The following CNIH3 variants were observed in gnomAD, a reference collection of about 807,000 sequenced individuals.
CNIH3 encodes protein cornichon homolog 3.
In CNIH3, 14 loss-of-function variants were observed where a neutral mutation model predicts 24.1. That is an observed-to-expected ratio of 0.58 (90% CI 0.38 to 0.91). CNIH3 has a LOEUF of 0.91. Ranked by LOEUF, CNIH3 falls within the 40% of genes least tolerant of loss-of-function variation. The pLI is 0.00. For missense variants in CNIH3, 178 were observed against 196.8 expected (o/e 0.90, Z 0.57); for synonymous variants, 68 against 73.8 (o/e 0.92, Z 0.40).
downstream of CNIH3, among the ~76,000 whole-genome samples, chr1:224,542,359 G>A (rs556750867): frequency 6.6e-6 from 1 of 152,186 alleles, no homozygotes; most frequent in African/African-American, 2.4e-5. Flanking sequence ...CACTTGATTG[G>A]ACTAACAGAG....
chr1:224,697,208 G>C (rs1572743395), intron 3 of CNIH3, among the ~76,000 whole-genome samples: 1 of 152,210 alleles, frequency 6.6e-6, no homozygotes, highest in Non-Finnish European at 1.5e-5. Flanking sequence ...GCCCAGTGGG[G>C]GAGCATTGTA....
chr1:224,682,950 T>C (rs964624292), intron 2 of CNIH3, among the ~76,000 whole-genome samples: 3 of 152,196 alleles, frequency 2.0e-5, no homozygotes, highest in Admixed American at 2.0e-4. Context: ...AGGTGATTGG[T>C]GAAACCACGA....
intron 1 of CNIH3, among the ~76,000 whole-genome samples, chr1:224,663,453 C>G (rs1685455801): frequency 6.6e-6 from 1 of 152,216 alleles, no homozygotes; most frequent in African/African-American, 2.4e-5. Context: ...GGGTGCTTTC[C>G]TCTCTTGGTT....
intron 3 of CNIH3, among the ~76,000 whole-genome samples, chr1:224,725,018 G>A (rs1294797053): frequency 6.6e-6 from 1 of 152,054 alleles, no homozygotes; most frequent in East Asian, 1.9e-4. Flanking sequence ...AGATCAGCCT[G>A]GTCAATATAG....
intron 2 of CNIH3, among the ~76,000 whole-genome samples, chr1:224,544,870 C>T (rs1679644669): frequency 6.6e-6 from 1 of 152,208 alleles, no homozygotes; most frequent in Admixed American, 6.5e-5. Context: ...TTTCCAGTAT[C>T]CTGCCACTGC....
intron 1 of CNIH3, among the ~76,000 whole-genome samples, chr1:224,461,943 T>TAGCTA (rs1675928895): frequency 6.6e-6 from 1 of 152,248 alleles, no homozygotes; most frequent in Non-Finnish European, 1.5e-5. Flanking sequence ...CACAGTGTTT[T>TAGCTA]CAATGTTCAT....
At chr1:224,488,332 A>AT (rs940096810) in intron 1 of CNIH3, among the ~76,000 whole-genome samples, 1 of 151,640 alleles carries the variant, frequency 6.6e-6, no homozygotes, top group Non-Finnish European at 1.5e-5. Context: ...AGCTCTGTCA[A>AT]TTTTTTTTCC....
chr1:224,538,663 C>CT (rs34203039), downstream of CNIH3, among the ~76,000 whole-genome samples: 7,940 of 139,728 alleles, frequency 0.057, 755 homozygotes, highest in African/African-American at 0.2. Flanking sequence ...CTCTCTCTCT[C>CT]TTTTTTTTTT....
intron 1 of CNIH3, among the ~76,000 whole-genome samples, chr1:224,471,593 C>CT (rs771939815): frequency 0.092 from 13,079 of 142,212 alleles, 769 homozygotes; most frequent in South Asian, 0.15. Context: ...CTCATTCTCT[C>CT]TTTTTTTTTT....
intron 3 of CNIH3, among the ~76,000 whole-genome samples, chr1:224,559,881 G>A (rs1416123990): frequency 6.6e-6 from 1 of 151,966 alleles, no homozygotes; most frequent in Non-Finnish European, 1.5e-5. Context: ...CACTATCCTG[G>A]TCTTCATGGT....
Position 224,722,969 on chromosome 1 carries a change from G to A in CNIH3, c.199-7493G>A, listed in dbSNP as rs193154948. Among the ~76,000 whole-genome samples, 108 of 152,308 alleles carry A rather than the reference G, an allele frequency of 7.1e-4. 2 individuals are homozygous for A. The highest frequency in any genetic ancestry group is 2.4e-3 in the African/African-American group (101 of 41,572). On this transcript the variant is annotated intron_variant, in intron 3 of 5. Transcript: ENST00000272133. ...TCAAAGCAGGAGAACTTCCCCAGTC[G>A]ACTGGCTGGGATCTGTAATTTATGC...
intron 3 of CNIH3, among the ~76,000 whole-genome samples, chr1:224,593,668 G>A (rs775214934): frequency 5.9e-5 from 9 of 151,996 alleles, no homozygotes; most frequent in Non-Finnish European, 1.3e-4. Context: ...CCACAAATAG[G>A]TAAAATTATT....
intron 1 of CNIH3, among the ~76,000 whole-genome samples, chr1:224,478,367 G>A (rs774804659): frequency 2.0e-5 from 3 of 151,700 alleles, no homozygotes; most frequent in South Asian, 2.1e-4. Flanking sequence ...TGTCTCCTCC[G>A]TGTATTTTCA....
intron 1 of CNIH3, among the ~76,000 whole-genome samples, chr1:224,497,716 C>A (rs968447310): frequency 3.3e-5 from 5 of 152,224 alleles, no homozygotes; most frequent in Non-Finnish European, 7.3e-5. Flanking sequence ...AAACTAGAGT[C>A]ATGGCTGAAG....
At chr1:224,511,090 C>A (rs1678133144), upstream of CNIH3, among the ~76,000 whole-genome samples, 1 of 152,180 alleles carries the variant, frequency 6.6e-6, no homozygotes, top group Non-Finnish European at 1.5e-5. Context: ...TCTGAAAGGC[C>A]TGCTTCTTAA....
At chr1:224,563,652 T>C (rs911398770) in intron 3 of CNIH3, among the ~76,000 whole-genome samples, 6 of 152,146 alleles carry the variant, frequency 3.9e-5, no homozygotes, top group African/African-American at 1.4e-4. Flanking sequence ...GTATTAAGTA[T>C]CTCCCGTGGC....
At position 224,660,201 on chromosome 1, in the gene CNIH3, C is replaced by A. The variant is rs541478461; in HGVS notation, c.82-20757C>A. On this transcript the variant is annotated intron_variant, in intron 1 of 5. Transcript: ENST00000272133. ...TATTTGGACTTACAGTTCCACGTGG[C>A]TGGGGAAGCCTTACAATCACGGTGG... Among the ~76,000 whole-genome samples, 16 of 152,268 alleles carry A rather than the reference C, an allele frequency of 1.1e-4. 1 individual carries two copies. The South Asian group carries it at 3.3e-3, about 32-fold the overall frequency.
At chr1:224,459,159 C>G in intron 1 of CNIH3, 1 of 956,128 alleles carries the variant, frequency 1.0e-6, no homozygotes. Context: ...CAGGGCCCCT[C>G]TCTTTGCCTT....
intron 1 of CNIH3, among the ~76,000 whole-genome samples, chr1:224,669,190 T>C (rs1685743955): frequency 6.6e-6 from 1 of 152,176 alleles, no homozygotes; most frequent in Non-Finnish European, 1.5e-5. Flanking sequence ...GTCCTGCTCA[T>C]TTGGCTTTAG....
Sources: allele counts gnomAD v4.1 joint callset (sites outside exome capture counted in the v4.1 genomes callset), GRCh38; gene constraint gnomAD v4.1.1; transcripts MANE v1.5; gene names NCBI Gene and HGNC (gene_info 2026-07-23, HGNC 2026-07-21).